The following HMG20A variants were observed in gnomAD, a reference collection of about 807,000 sequenced individuals.
The protein encoded by HMG20A is high mobility group 20A, also known as high mobility group protein 20A.
HMG20A carries 17 observed loss-of-function variants against 43.9 expected under a neutral mutation model. The observed-to-expected ratio is 0.39, with a 90% CI of 0.27 to 0.58. The LOEUF (loss-of-function observed/expected upper bound fraction) is 0.58. Among genes scored for constraint, HMG20A ranks in the 20% least tolerant of loss-of-function variants. The pLI, the probability that HMG20A is intolerant of heterozygous loss-of-function variation, is 0.59. For missense variants in HMG20A, 341 were observed against 438.2 expected (o/e 0.78, Z 1.98); for synonymous variants, 132 against 147.5 (o/e 0.89, Z 0.76).
rs544128365 is a variant in HMG20A at position 77,434,254 on chromosome 15, A to G, written c.-5+13250A>G. 9.8e-5 allele frequency among the ~76,000 whole-genome samples: 15 copies of G among 152,322 alleles called. No individual in the cohort carries two copies. In the East Asian group the frequency reaches 2.9e-3, roughly 29 times the overall value. ...GGATTATAGAGCTAAATGTGAAAGA[A>G]AAATTTAGGGAGAAACTGGAAAACA... On this transcript the variant is annotated intron_variant, in intron 1 of 9. Coordinates refer to ENST00000336216, the MANE Select transcript of HMG20A (RefSeq NM_001304504.2).
intron 2 of HMG20A, among the ~76,000 whole-genome samples, chr15:77,462,503 T>A (rs2072713544): frequency 6.6e-6 from 1 of 152,202 alleles, no homozygotes; most frequent in South Asian, 2.1e-4. Flanking sequence ...TTGTTCCACT[T>A]CTGTTCTCCT....
the HMG20A span, among the ~76,000 whole-genome samples, chr15:77,499,201 A>T: frequency 8.3e-4 from 127 of 152,240 alleles, 1 homozygote; most frequent in Non-Finnish European, 1.5e-3. Context: ...AGGATGCTCA[A>T]ACATCATCTG....
the HMG20A span, among the ~76,000 whole-genome samples, chr15:77,515,155 G>A: frequency 6.6e-6 from 1 of 152,148 alleles, no homozygotes; most frequent in African/African-American, 2.4e-5. Context: ...CAAAGACAAT[G>A]GGCTTGAATG....
chr15:77,474,700 A>C (rs1027980748), intron 6 of HMG20A, among the ~76,000 whole-genome samples: 2 of 152,224 alleles, frequency 1.3e-5, no homozygotes, highest in Non-Finnish European at 2.9e-5. Flanking sequence ...TGGAGAGGGC[A>C]TATTAGAGCT....
At chr15:77,490,134 C>G (rs1304128385), downstream of HMG20A, among the ~76,000 whole-genome samples, 1 of 151,822 alleles carries the variant, frequency 6.6e-6, no homozygotes, top group African/African-American at 2.4e-5. Flanking sequence ...AAATACAAAA[C>G]AAAATTAGCT....
chr15:77,438,137 A>ATTTTTTTTTTTTT (rs34192592), intron 1 of HMG20A, among the ~76,000 whole-genome samples: 1 of 113,456 alleles, frequency 8.8e-6, no homozygotes, highest in African/African-American at 3.4e-5. Context: ...TTTAGTTTTA[A>ATTTTTTTTTTTTT]TTTTTTTTTT....
the HMG20A span, among the ~76,000 whole-genome samples, chr15:77,500,399 C>T: frequency 6.6e-6 from 1 of 152,100 alleles, no homozygotes; most frequent in Non-Finnish European, 1.5e-5. Flanking sequence ...TCTTTATATT[C>T]CCCCTTTTCT....
the HMG20A span, among the ~76,000 whole-genome samples, chr15:77,512,489 A>G: frequency 2.0e-5 from 3 of 152,202 alleles, no homozygotes; most frequent in Non-Finnish European, 4.4e-5. Context: ...GAGGCTCCCA[A>G]TGGCCACATC....
At chr15:77,504,041 G>C in the HMG20A span, among the ~76,000 whole-genome samples, 1 of 152,226 alleles carries the variant, frequency 6.6e-6, no homozygotes, top group African/African-American at 2.4e-5. Context: ...GGGCATATGA[G>C]TGCCTGGGGA....
chr15:77,469,706 C>T (rs149241675), intron 4 of HMG20A, among the ~76,000 whole-genome samples: 1,788 of 152,182 alleles, frequency 0.012, 49 homozygotes, highest in African/African-American at 0.041. Context: ...CTTGCTCTGT[C>T]GCCCAAACTG....
Position 77,433,000 on chromosome 15 carries a change from G to A in HMG20A, c.-5+11996G>A, listed in dbSNP as rs1051832021. 8.6e-4 allele frequency among the ~76,000 whole-genome samples: 131 copies of A among 151,972 alleles called. 2 individuals are homozygous for A. Among genetic ancestry groups the A allele is most frequent in the Admixed American group, 8.6e-3 (131 of 15,256 alleles). On this transcript the variant is annotated intron_variant, in intron 1 of 9. Transcript: ENST00000336216. ...AATTGTTAAATGCTTTATTAAAATT[G>A]GCATATAAAAAATTGACATGAAGAA... is the stretch of plus-strand genomic sequence containing the variant.
chr15:77,508,579 C>T, the HMG20A span, among the ~76,000 whole-genome samples: 1 of 152,170 alleles, frequency 6.6e-6, no homozygotes, highest in Non-Finnish European at 1.5e-5. Flanking sequence ...GAACCCCACC[C>T]CTGGGGTGAG....
the HMG20A span, among the ~76,000 whole-genome samples, chr15:77,492,100 CA>C: frequency 2.0e-5 from 3 of 152,170 alleles, 1 homozygote; most frequent in East Asian, 5.8e-4. Context: ...GCATAAAATA[CA>C]AATAAAATTA....
chr15:77,476,048 G>T (rs1476560296), intron 6 of HMG20A, among the ~76,000 whole-genome samples: 1 of 152,156 alleles, frequency 6.6e-6, no homozygotes, highest in African/African-American at 2.4e-5. Context: ...CCATTGGCAG[G>T]TGGTTCACAC....
At chr15:77,510,190 A>C in the HMG20A span, among the ~76,000 whole-genome samples, 1 of 151,958 alleles carries the variant, frequency 6.6e-6, no homozygotes, top group African/African-American at 2.4e-5. Context: ...TCTTCCAAAC[A>C]CTCACTGGAA....
the HMG20A span, among the ~76,000 whole-genome samples, chr15:77,506,426 G>A: frequency 4.6e-5 from 7 of 152,190 alleles, no homozygotes; most frequent in Non-Finnish European, 7.3e-5. Context: ...GAGGCAGTGC[G>A]TTCTCCCCGC....
chr15:77,500,642 C>T, the HMG20A span, among the ~76,000 whole-genome samples: 1 of 150,622 alleles, frequency 6.6e-6, no homozygotes, highest in African/African-American at 2.4e-5. Flanking sequence ...GATCTTGGCT[C>T]ACTGCAACCT....
chr15:77,438,234 C>T (rs930120568), intron 1 of HMG20A, among the ~76,000 whole-genome samples: 3 of 150,638 alleles, frequency 2.0e-5, no homozygotes, highest in Non-Finnish European at 2.9e-5. Flanking sequence ...CCACCTTGGC[C>T]TCCCAAAGAG....
At chr15:77,509,155 G>A in the HMG20A span, among the ~76,000 whole-genome samples, 1 of 152,134 alleles carries the variant, frequency 6.6e-6, no homozygotes, top group East Asian at 1.9e-4. Context: ...CTACTGTCAT[G>A]AAGCTGAAAG....
Sources: allele counts gnomAD v4.1 joint callset (sites outside exome capture counted in the v4.1 genomes callset), GRCh38; gene constraint gnomAD v4.1.1; transcripts MANE v1.5; gene names NCBI Gene and HGNC (gene_info 2026-07-23, HGNC 2026-07-21).